Variants in NRIP1 observed in about 807,000 individuals in gnomAD.
The protein encoded by NRIP1 is nuclear receptor-interacting protein 1.
Under a neutral mutation model 75.0 loss-of-function variants are expected in NRIP1, and 28 were observed. The ratio of observed to expected loss-of-function variants is 0.37; its 90% CI spans 0.28 to 0.51. The LOEUF (loss-of-function observed/expected upper bound fraction) is 0.51, where lower values mean the gene tolerates loss of function less well. Ranked by LOEUF, NRIP1 falls within the 20% of genes least tolerant of loss-of-function variation. NRIP1 has a pLI of 0.92. For missense variants in NRIP1, 1,435 were observed against 1,343.7 expected (o/e 1.07, Z -1.06); for synonymous variants, 526 against 487.6 (o/e 1.08, Z -1.04).
chr21:15,061,000 T>G (rs1338846801), intron 1 of NRIP1, among the ~76,000 whole-genome samples: 4 of 152,192 alleles, frequency 2.6e-5, no homozygotes, highest in Admixed American at 2.6e-4. Flanking sequence ...ATTGTTGTGT[T>G]ATCTAAATAC....
intron 3 of NRIP1, among the ~76,000 whole-genome samples, chr21:15,001,956 T>C (rs2087858382): frequency 6.6e-6 from 1 of 152,156 alleles, no homozygotes; most frequent in South Asian, 2.1e-4. Flanking sequence ...TCATTATCAA[T>C]CAGGTTATGT....
rs1254200470 is a variant in NRIP1, at chr21:14,968,140, A to G, written c.53T>C (p.Leu18Ser). 3 of 1,613,778 alleles carry G rather than the reference A, an allele frequency of 1.9e-6. No homozygotes were observed. Among genetic ancestry groups the G allele is most frequent in the Admixed American group, 1.7e-5 (1 of 59,952 alleles). The part of the protein sequence containing the change: ...GSDVHQDSIV[L>S]TYLEGLLMHQ... ...CATTAGTAATCCTTCTAGGTAAGTT[A>G]AAACAATAGAATCCTGGTGCACATC... The change falls in exon 4 of 4, where the codon TTA (leucine) becomes TCA (serine). Residue 18 changes from leucine (L) to serine (S), a missense_variant. Physicochemically the swap from Leu to Ser is moderately radical, Grantham distance 145 (BLOSUM62 -2). Coordinates refer to ENST00000318948, the MANE Select transcript of NRIP1 (RefSeq NM_003489.4).
chr21:15,026,656 T>A (rs1043946847), intron 2 of NRIP1, among the ~76,000 whole-genome samples: 1 of 152,048 alleles, frequency 6.6e-6, no homozygotes, highest in Non-Finnish European at 1.5e-5. Flanking sequence ...TATATCAACA[T>A]AGGTATATCA....
intron 2 of NRIP1, among the ~76,000 whole-genome samples, chr21:15,026,952 G>A (rs1465336439): frequency 6.6e-6 from 1 of 152,068 alleles, no homozygotes; most frequent in Non-Finnish European, 1.5e-5. Flanking sequence ...CATTCTTCAT[G>A]ATGTGCTTAC....
In NRIP1 at chr21:14,965,712, T is replaced by C. The variant is rs1276806231; in HGVS notation, c.2481A>G (p.Gln827=). 6.2e-7 allele frequency: 1 copy of C among 1,613,794 alleles called. No homozygotes were observed. Among genetic ancestry groups the C allele is most frequent in the East Asian group, 2.2e-5 (1 of 44,898 alleles). The change falls in exon 4 of 4, where the codon CAA becomes CAG. Residue 827 remains glutamine (Q), a synonymous_variant. Transcript: ENST00000318948. ...CTGAATCATCTGCCAGGTAACTATC[T>C]TGATTTTGTCTTAGCAATCGACTTA... ...GLLSRLLRQN[Q]DSYLADDSDR...
intron 3 of NRIP1, among the ~76,000 whole-genome samples, chr21:15,008,818 C>G (rs1466024247): frequency 2.0e-5 from 3 of 152,202 alleles, no homozygotes; most frequent in Non-Finnish European, 4.4e-5. Flanking sequence ...GAAAAGACTA[C>G]TTTCATACTA....
At chr21:15,028,568 T>C (rs1370799043) in intron 2 of NRIP1, among the ~76,000 whole-genome samples, 1 of 152,190 alleles carries the variant, frequency 6.6e-6, no homozygotes, top group African/African-American at 2.4e-5. Flanking sequence ...CAGGCACTGA[T>C]TCAAAGATTA....
At chr21:15,054,627 T>C (rs940107232) in intron 1 of NRIP1, among the ~76,000 whole-genome samples, 1 of 152,192 alleles carries the variant, frequency 6.6e-6, no homozygotes, top group Non-Finnish European at 1.5e-5. Context: ...TGGAAGAGCT[T>C]CCATTATTCA....
Position 14,968,320 on chromosome 21 carries a change from C to A in NRIP1, c.-128G>T, listed in dbSNP as rs539619027. On this transcript the variant is annotated 5_prime_UTR_variant, in exon 4 of 4. Coordinates refer to ENST00000318948, the MANE Select transcript of NRIP1 (RefSeq NM_003489.4). ...ACCTTCCATCGCAATCAGAGAGAGA[C>A]GTACTGTTACATTCTGTCCAAGATT... 4.6e-6 allele frequency: 3 copies of A among 658,170 alleles called. No individual in the cohort carries two copies. Among genetic ancestry groups the A allele is most frequent in the Non-Finnish European group, 8.0e-6 (3 of 376,840 alleles). The allele number at this position is 658,170 out of a possible 1,614,324, so 40.8% of individuals were successfully genotyped here.
intron 2 of NRIP1, among the ~76,000 whole-genome samples, chr21:15,015,990 A>G (rs1261609209): frequency 3.3e-5 from 5 of 152,220 alleles, no homozygotes. Context: ...GAGCTATCAC[A>G]CGGCCACCAG....
chr21:14,965,503 T>C lies in NRIP1; in HGVS notation c.2690A>G (p.Gln897Arg), dbSNP rs1168707907. 5 of 1,613,914 alleles carry C rather than the reference T, an allele frequency of 3.1e-6. No individual in the cohort carries two copies. The Admixed American group carries it at 5.0e-5, about 16-fold the overall frequency. The change falls in exon 4 of 4, where the codon CAG becomes CGG. Residue 897 changes from glutamine (Q) to arginine (R), a missense_variant. Transcript: ENST00000318948. ...ATTTCTGCTAAATTTCAGCTCTTCC[T>C]GGTTAAGCAAGGACCCATACAGTAC... The part of the protein sequence containing the change: ...PEVLYGSLLN[Q>R]EELKFSRNDL...
Position 14,964,608 on chromosome 21 carries a change from A to C in NRIP1, c.*108T>G, listed in dbSNP as rs940031017. 5.5e-6 allele frequency: 5 copies of C among 903,472 alleles called. No individual in the cohort carries two copies. In the Admixed American group the frequency reaches 8.3e-5, roughly 15 times the overall value. The allele number at this position is 903,472 out of a possible 1,614,324, so 56.0% of individuals were successfully genotyped here. ...AACCAATACTTTTCAAAATGAAAAA[A>C]GTTTCAATTATACCATGCTTTTTTT... On this transcript the variant is annotated 3_prime_UTR_variant, in exon 4 of 4. Transcript: ENST00000318948.
intron 2 of NRIP1, among the ~76,000 whole-genome samples, chr21:15,039,522 C>T (rs2088907997): frequency 1.3e-5 from 2 of 152,068 alleles, no homozygotes; most frequent in South Asian, 4.1e-4. Context: ...TGATTTATCC[C>T]ATTTGGCAAA....
chr21:15,030,375 C>T lies in NRIP1; in HGVS notation c.-458+13120G>A, dbSNP rs146807963. Among the ~76,000 whole-genome samples the T allele has an allele frequency of 3.9e-5, 6 of 152,246 alleles. No homozygotes were observed. The East Asian group carries it at 1.2e-3, about 29-fold the overall frequency. ...TTTTTACGAATATTCACACAGTTTC[C>T]CACACTGGGTTAAGTCAAACTAACA... On this transcript the variant is annotated intron_variant, in intron 2 of 3. Transcript: ENST00000318948.
intron 3 of NRIP1, among the ~76,000 whole-genome samples, chr21:15,004,566 G>T (rs531284808): frequency 6.6e-6 from 1 of 152,348 alleles, no homozygotes; most frequent in East Asian, 1.9e-4. Flanking sequence ...CAGTGAAGGA[G>T]GAACATGGGG....
chr21:14,962,990 T>G lies in NRIP1; in HGVS notation c.*1726A>C, dbSNP rs2146901958. ...AATATCTGGTGAATGAATTGTGGAT[T>G]GTACAAACTGAACATAAAAACAGAC... is the stretch of plus-strand genomic sequence containing the variant. On this transcript the variant is annotated 3_prime_UTR_variant, in exon 4 of 4. Transcript: ENST00000318948. The G allele has an allele frequency of 6.6e-6, 1 of 152,544 alleles. No individual in the cohort carries two copies. The highest frequency in any genetic ancestry group is 3.4e-3 in the Middle Eastern group (1 of 294). 9.4% of individuals were successfully genotyped at this position (152,544 alleles called of 1,614,324 possible).
chr21:14,969,184 C>T (rs1374495254), intron 3 of NRIP1, among the ~76,000 whole-genome samples: 1 of 152,184 alleles, frequency 6.6e-6, no homozygotes, highest in Admixed American at 6.5e-5. Context: ...CAGTCATAAA[C>T]TTACCTACCC....
chr21:14,965,877 C>G lies in NRIP1; in HGVS notation c.2316G>C (p.Leu772Phe), dbSNP rs978130979. ...ATGGGGCACTCTTAGCATCATGGCT[C>G]AAGTGCACATTTGTGTTAGGAATTT... ...DLQIPNTNVHLSHDAKSAPFL... is the reference protein window; with the variant it reads ...DLQIPNTNVHFSHDAKSAPFL... The change falls in exon 4 of 4, where the codon TTG (leucine) becomes TTC (phenylalanine). Residue 772 changes from leucine (L) to phenylalanine (F), a missense_variant. Transcript: ENST00000318948. The G allele has an allele frequency of 1.2e-6, 2 of 1,614,100 alleles. No individual in the cohort carries two copies. Among genetic ancestry groups the G allele is most frequent in the Admixed American group, 1.7e-5 (1 of 60,008 alleles).
At chr21:15,002,172 G>T (rs1455922263) in intron 3 of NRIP1, 1 of 151,958 alleles carries the variant, frequency 6.6e-6, no homozygotes, top group African/African-American at 2.4e-5. Flanking sequence ...AACAGATTAC[G>T]GCCCTACCTT....
Sources: gnomAD v4.1 joint callset for allele counts (sites outside exome capture counted in the v4.1 genomes callset) on GRCh38, gnomAD v4.1.1 for gene constraint, MANE v1.5 for transcripts, NCBI Gene and HGNC (gene_info 2026-07-23, HGNC 2026-07-21) for gene names.